BTBD8: variants seen among roughly 807,000 people sequenced by gnomAD.
BTBD8 encodes BTB domain containing 8, also known as BTB/POZ domain-containing protein 8.
BTBD8 carries 110 observed loss-of-function variants against 162.9 expected under a neutral mutation model. That is an observed-to-expected ratio of 0.68 (90% confidence interval 0.58 to 0.79). The LOEUF (loss-of-function observed/expected upper bound fraction) is 0.79, where lower values mean the gene tolerates loss of function less well. BTBD8 is among the 30% of genes least tolerant of loss of function. BTBD8 has a pLI of 0.00. For synonymous variants in BTBD8, 667 were observed against 716.1 expected (o/e 0.93, Z 1.10); for missense variants, 1,905 against 2,085.4 (o/e 0.91, Z 1.68).
intron 8 of BTBD8, 22 bp downstream of exon 8, chr1:92,147,290 T>A: frequency 6.5e-7 from 1 of 1,549,742 alleles, no homozygotes; most frequent in Non-Finnish European, 8.8e-7. Context: ...TAAGTAGTGC[T>A]GATACTATTA....
At chr1:92,108,570 G>T (rs184199672) in intron 4 of BTBD8, among the ~76,000 whole-genome samples, 2 of 152,310 alleles carry the variant, frequency 1.3e-5, no homozygotes, top group Non-Finnish European at 2.9e-5. Flanking sequence ...TCAGAATTGG[G>T]TTGCTTAGAC....
chr1:92,080,795 C>A, intron 1 of BTBD8, 75 bp downstream of exon 1: 1 of 1,536,242 alleles, frequency 6.5e-7, no homozygotes, highest in Non-Finnish European at 8.7e-7. Flanking sequence ...AGGCTTCTTT[C>A]GGCTCTGCCT....
intron 2 of BTBD8, among the ~76,000 whole-genome samples, chr1:92,097,723 C>A (rs1322747781): frequency 6.6e-6 from 1 of 152,062 alleles, no homozygotes; most frequent in Non-Finnish European, 1.5e-5. Flanking sequence ...TACTTTATTC[C>A]CTTTATGGCT....
chr1:92,163,893 C>T (rs1430733995), intron 9 of BTBD8, among the ~76,000 whole-genome samples: 1 of 152,058 alleles, frequency 6.6e-6, no homozygotes, highest in South Asian at 2.1e-4. Flanking sequence ...GACAATTATA[C>T]TCTATATCTG....
chr1:92,181,725 G>C lies in BTBD8; in HGVS notation c.4042G>C (p.Glu1348Gln). The C allele has an allele frequency of 6.4e-7, 1 of 1,551,554 alleles. No individual in the cohort carries two copies. Among genetic ancestry groups the C allele is most frequent in the Non-Finnish European group, 8.7e-7 (1 of 1,146,966 alleles). ...TGATGAAATCCCTAGGAAAAGGCCAGAAATTTGGTCTCGATCTGCAATAGT... is the reference window on the plus strand; with the variant it reads ...TGATGAAATCCCTAGGAAAAGGCCACAAATTTGGTCTCGATCTGCAATAGT... ...SDDEIPRKRP[E>Q]IWSRSAIVHS... The change falls in exon 17 of 18, where the codon GAA (glutamate) becomes CAA (glutamine). Residue 1348 changes from glutamate to glutamine, a missense_variant. Transcript: ENST00000636805.
At chr1:92,134,131 A>T (rs1321534421) in intron 5 of BTBD8, among the ~76,000 whole-genome samples, 1 of 21,688 alleles carries the variant, frequency 4.6e-5, no homozygotes, top group East Asian at 0.045. Flanking sequence ...ACTTCTGTGA[A>T]GGAACTCCAC....
intron 1 of BTBD8, among the ~76,000 whole-genome samples, chr1:92,081,723 G>A (rs1262478910): frequency 2.0e-5 from 3 of 152,242 alleles, no homozygotes; most frequent in Admixed American, 6.5e-5. Context: ...ACAGGCACGC[G>A]CCACCACGCC....
At chr1:92,142,819 C>G (rs956000182) in intron 7 of BTBD8, among the ~76,000 whole-genome samples, 1 of 152,200 alleles carries the variant, frequency 6.6e-6, no homozygotes, top group Admixed American at 6.5e-5. Context: ...CAATAAAGGC[C>G]TCCAGTATCT....
intron 1 of BTBD8, among the ~76,000 whole-genome samples, chr1:92,085,686 C>A (rs1349814201): frequency 6.6e-6 from 1 of 152,216 alleles, no homozygotes; most frequent in South Asian, 2.1e-4. Flanking sequence ...GCCAAGATCA[C>A]GCAACTGCAC....
rs144384472 is a variant in BTBD8, at chr1:92,140,437, T to C, written c.834-678T>C. Among the ~76,000 whole-genome samples the C allele has an allele frequency of 7.6e-3, 1,164 of 152,266 alleles. 13 individuals carry two copies. Among genetic ancestry groups the C allele is most frequent in the African/African-American group, 0.026 (1,087 of 41,552 alleles). Reference sequence around the variant, plus strand: ...TCTTGCTATTCTAACATCAGACAAATGAAAGCTACTTTTTTAATTTTAAAA... The same window carrying C: ...TCTTGCTATTCTAACATCAGACAAACGAAAGCTACTTTTTTAATTTTAAAA... On this transcript the variant is annotated intron_variant, in intron 6 of 17. Coordinates refer to ENST00000636805, the MANE Select transcript of BTBD8 (RefSeq NM_001376131.1).
rs1650754895 is a variant in BTBD8 at position 92,177,472 on chromosome 1, A to G, written c.2279A>G (p.His760Arg). The G allele has an allele frequency of 1.3e-6, 2 of 1,551,650 alleles. No individual in the cohort carries two copies. Among genetic ancestry groups the G allele is most frequent in the Non-Finnish European group, 1.7e-6 (2 of 1,147,018 alleles). The change falls in exon 14 of 18, where the codon CAT becomes CGT. Residue 760 changes from histidine to arginine, a missense_variant. Transcript: ENST00000636805. ...ACAGAAGAAGAAAAGCCTTCTGGACATAAACTATCCTTTTGTGATTCTCCA... is the reference window on the plus strand; with the variant it reads ...ACAGAAGAAGAAAAGCCTTCTGGACGTAAACTATCCTTTTGTGATTCTCCA... Reference protein sequence around the residue: ...GSTEEEKPSGHKLSFCDSPGQ... With the variant: ...GSTEEEKPSGRKLSFCDSPGQ...
At chr1:92,092,669 C>A (rs892164763) in intron 2 of BTBD8, among the ~76,000 whole-genome samples, 1 of 152,198 alleles carries the variant, frequency 6.6e-6, no homozygotes, top group Non-Finnish European at 1.5e-5. Context: ...TTTCTCAGTT[C>A]TATACCACCG....
At chr1:92,113,050 A>C (rs898391791) in intron 4 of BTBD8, among the ~76,000 whole-genome samples, 16 of 152,252 alleles carry the variant, frequency 1.1e-4, no homozygotes, top group African/African-American at 3.9e-4. Flanking sequence ...AAATTAGGGC[A>C]TCTTGATAGA....
chr1:92,100,066 G>A (rs1648547557), intron 2 of BTBD8, among the ~76,000 whole-genome samples: 1 of 152,160 alleles, frequency 6.6e-6, no homozygotes, highest in Admixed American at 6.5e-5. Flanking sequence ...TATCATGACA[G>A]CGTGTTGGGC....
chr1:92,171,317 T>C (rs1382753171), intron 12 of BTBD8, 82 bp from the exon 13 acceptor site: 4 of 1,026,156 alleles, frequency 3.9e-6, no homozygotes, highest in Non-Finnish European at 5.7e-6. Flanking sequence ...TAACCTTTTT[T>C]CTACTGACAT....
At chr1:92,136,359 T>C (rs372550110) in intron 5 of BTBD8, among the ~76,000 whole-genome samples, 6 of 152,136 alleles carry the variant, frequency 3.9e-5, no homozygotes, top group African/African-American at 1.4e-4. Context: ...TTTTTTTTCT[T>C]TTTATGAACC....
At position 92,149,089 on chromosome 1, in the gene BTBD8, G is replaced by T. The variant is rs147999910; in HGVS notation, c.1122+1303G>T. Among the ~76,000 whole-genome samples the T allele has an allele frequency of 1.8e-3, 269 of 152,134 alleles. 3 individuals are homozygous for T. The highest frequency in any genetic ancestry group is 5.9e-3 in the African/African-American group (244 of 41,504). ...GAATATGGAGTGGTTAGTAGAAAAAGGTATGTAAAAATAACAGCTACAGCT... is the reference window on the plus strand; with the variant it reads ...GAATATGGAGTGGTTAGTAGAAAAATGTATGTAAAAATAACAGCTACAGCT... On this transcript the variant is annotated intron_variant, in intron 9 of 17. Transcript: ENST00000636805.
At chr1:92,139,607 A>G (rs1255414733) in intron 6 of BTBD8, 177 bp downstream of exon 6, 66 of 1,224,718 alleles carry the variant, frequency 5.4e-5, no homozygotes, top group Non-Finnish European at 6.7e-5. Context: ...TTTAGAAGAA[A>G]AGGTGACTTA....
At chr1:92,147,295 C>T in intron 8 of BTBD8, 27 bp downstream of exon 8, 4 of 1,540,102 alleles carry the variant, frequency 2.6e-6, no homozygotes, top group Non-Finnish European at 3.6e-6. Flanking sequence ...AGTGCTGATA[C>T]TATTAATTTA....
Sources: gnomAD v4.1 joint callset for allele counts (sites outside exome capture counted in the v4.1 genomes callset) on GRCh38, gnomAD v4.1.1 for gene constraint, MANE v1.5 for transcripts, NCBI Gene and HGNC (gene_info 2026-07-23, HGNC 2026-07-21) for gene names.